THSD7A: variants seen among roughly 807,000 people sequenced by gnomAD.
The protein encoded by THSD7A is thrombospondin type-1 domain-containing protein 7A.
A neutral mutation model predicts 231.3 loss-of-function variants in THSD7A; 96 were observed. That is an observed-to-expected ratio of 0.41 (90% confidence interval 0.35 to 0.49). The LOEUF (loss-of-function observed/expected upper bound fraction) is 0.49, where lower values mean the gene tolerates loss of function less well. Among genes scored for constraint, THSD7A ranks in the 20% least tolerant of loss-of-function variants. The probability of loss-of-function intolerance (pLI) is 0.05; values close to 1 mark genes in which losing one functional copy is unlikely to be tolerated. For missense variants in THSD7A, 2,290 were observed against 2,070.2 expected (o/e 1.11, Z -2.06); for synonymous variants, 940 against 743.3 (o/e 1.26, Z -4.30).
chr7:11,421,944 G>C (rs1784158553), intron 16 of THSD7A, among the ~76,000 whole-genome samples: 1 of 152,110 alleles, frequency 6.6e-6, no homozygotes, highest in Non-Finnish European at 1.5e-5. Context: ...TTTGGATCAA[G>C]TCTTAAGCCC....
chr7:11,749,713 G>T (rs1782436120), intron 1 of THSD7A, among the ~76,000 whole-genome samples: 1 of 151,940 alleles, frequency 6.6e-6, no homozygotes, highest in South Asian at 2.1e-4. Flanking sequence ...AGCATACCGG[G>T]AGCTATCATA....
intron 16 of THSD7A, among the ~76,000 whole-genome samples, chr7:11,419,754 G>A (rs1784081203): frequency 1.3e-5 from 2 of 152,202 alleles, no homozygotes; most frequent in Admixed American, 1.3e-4. Flanking sequence ...GAATAGTTGT[G>A]ACAAAAATGC....
At chr7:11,589,074 G>C (rs886085476) in intron 4 of THSD7A, among the ~76,000 whole-genome samples, 1 of 152,086 alleles carries the variant, frequency 6.6e-6, no homozygotes, top group African/African-American at 2.4e-5. Context: ...CTCTTCTTTG[G>C]TTTTAAAAAC....
At position 11,411,394 on chromosome 7, in the gene THSD7A, C is replaced by T; in HGVS notation, c.3683-72G>A. 4.0e-6 allele frequency: 4 copies of T among 1,008,710 alleles called. No individual in the cohort carries two copies. The highest frequency in any genetic ancestry group is 4.5e-6 in the Non-Finnish European group (3 of 662,864). 62.5% of individuals were successfully genotyped at this position (1,008,710 alleles called of 1,614,324 possible). A position where few individuals can be genotyped will look rare whatever the true frequency, so the allele number is the denominator to read the frequency against. ...AGATTTCAAATGAAACTCTGATGAC[C>T]TGAATCCCATATTTAATTCACAACT... is the stretch of plus-strand genomic sequence containing the variant. On this transcript the variant is annotated intron_variant, in intron 18 of 27. Coordinates refer to ENST00000423059, the MANE Select transcript of THSD7A (RefSeq NM_015204.3). The surrounding 1 kb of genome is among the most constrained non-coding windows in gnomAD (Gnocchi z 4.1).
intron 4 of THSD7A, among the ~76,000 whole-genome samples, chr7:11,547,019 A>T (rs1789428294): frequency 6.6e-6 from 1 of 152,202 alleles, no homozygotes. Context: ...TAAACAAATT[A>T]AAAAAGTGAA....
intron 13 of THSD7A, among the ~76,000 whole-genome samples, chr7:11,440,127 C>CT (rs764540334): frequency 6.6e-5 from 10 of 152,098 alleles, no homozygotes; most frequent in Non-Finnish European, 1.3e-4. Context: ...ATCTACTCTG[C>CT]TTGTGCTCAA....
chr7:11,494,836 T>C (rs1787034484), intron 6 of THSD7A, among the ~76,000 whole-genome samples: 1 of 152,052 alleles, frequency 6.6e-6, no homozygotes. Context: ...GCTTATGTTT[T>C]ACCTAAACCT....
At chr7:11,728,002 T>C (rs1562509691) in intron 1 of THSD7A, among the ~76,000 whole-genome samples, 1 of 151,948 alleles carries the variant, frequency 6.6e-6, no homozygotes, top group Admixed American at 6.6e-5. Context: ...TTGTAAGAAG[T>C]TCTGAAGTGT....
intron 2 of THSD7A, among the ~76,000 whole-genome samples, chr7:11,610,741 T>C (rs1780895051): frequency 6.6e-6 from 1 of 152,116 alleles, no homozygotes; most frequent in South Asian, 2.1e-4. Flanking sequence ...CCAACATCTT[T>C]AGATAAATTG....
intron 1 of THSD7A, among the ~76,000 whole-genome samples, chr7:11,743,946 C>A (rs2128161851): frequency 6.6e-6 from 1 of 151,916 alleles, no homozygotes; most frequent in Non-Finnish European, 1.5e-5. Context: ...TAGCACTTAC[C>A]ACGTTCTTCC....
At chr7:11,821,038 T>C in intron 1 of THSD7A, 1 of 983,366 alleles carries the variant, frequency 1.0e-6, no homozygotes, top group Non-Finnish European at 1.6e-6. Context: ...GGACTTTTCA[T>C]TTCATCACGA....
At chr7:11,510,377 C>T (rs529249118) in intron 6 of THSD7A, among the ~76,000 whole-genome samples, 1 of 152,296 alleles carries the variant, frequency 6.6e-6, no homozygotes, top group African/African-American at 2.4e-5. Context: ...CCTTCTGAAA[C>T]TATTCCAATC....
At chr7:11,625,985 G>A (rs1389058680) in intron 2 of THSD7A, among the ~76,000 whole-genome samples, 1 of 152,014 alleles carries the variant, frequency 6.6e-6, no homozygotes. Context: ...GAGCTAAATA[G>A]AACAACTAAA....
chr7:11,484,863 T>A (rs6969046), intron 6 of THSD7A, among the ~76,000 whole-genome samples: 1 of 132,346 alleles, frequency 7.6e-6, no homozygotes, highest in South Asian at 2.6e-4. Flanking sequence ...ACCCACTGAA[T>A]CACAACCTTA....
intron 4 of THSD7A, among the ~76,000 whole-genome samples, chr7:11,563,935 T>C (rs2128330959): frequency 6.6e-6 from 1 of 152,274 alleles, no homozygotes; most frequent in Admixed American, 6.5e-5. Flanking sequence ...AATCATATTT[T>C]TAAAAAGTGT....
chr7:11,444,072 G>C lies in THSD7A; in HGVS notation c.3064+1989C>G, dbSNP rs1784886315. Among the ~76,000 whole-genome samples, 1 of 152,220 alleles carries C rather than the reference G, an allele frequency of 6.6e-6. No homozygotes were observed. Among genetic ancestry groups the C allele is most frequent in the East Asian group, 1.9e-4 (1 of 5,152 alleles). Reference sequence around the variant, plus strand: ...AAAAGCTCATCATCACTGGTCATTAGAGAAATGCAAATCAAAACCACAGTG... The same window carrying C: ...AAAAGCTCATCATCACTGGTCATTACAGAAATGCAAATCAAAACCACAGTG... On this transcript the variant is annotated intron_variant, in intron 13 of 27. Transcript: ENST00000423059. This position sits in a 1 kb window ranked among gnomAD's most constrained non-coding sequence, Gnocchi z 4.2.
chr7:11,433,051 T>C (rs1376813736), intron 13 of THSD7A, among the ~76,000 whole-genome samples: 1 of 151,990 alleles, frequency 6.6e-6, no homozygotes, highest in Non-Finnish European at 1.5e-5. Flanking sequence ...AGAAAGAAGA[T>C]GCCACTGCTA....
At chr7:11,672,378 C>T (rs1783428119) in intron 1 of THSD7A, among the ~76,000 whole-genome samples, 1 of 151,914 alleles carries the variant, frequency 6.6e-6, no homozygotes, top group Admixed American at 6.6e-5. Flanking sequence ...AAAAAATTGT[C>T]TAATTTGATA....
chr7:11,728,048 C>T (rs944460554), intron 1 of THSD7A, among the ~76,000 whole-genome samples: 5 of 151,962 alleles, frequency 3.3e-5, no homozygotes, highest in South Asian at 2.1e-4. Flanking sequence ...GGTCAAGGGA[C>T]CAGCAGTCTC....
Sources: gnomAD v4.1 joint callset for allele counts (sites outside exome capture counted in the v4.1 genomes callset) on GRCh38, gnomAD v4.1.1 for gene constraint, Gnocchi (gnomAD v3.1) non-coding constraint, MANE v1.5 for transcripts, NCBI Gene and HGNC (gene_info 2026-07-23, HGNC 2026-07-21) for gene names.